NKAIN3: variants seen among roughly 807,000 people sequenced by gnomAD.
The protein encoded by NKAIN3 is sodium/potassium transporting ATPase interacting 3.
Under a neutral mutation model 30.2 loss-of-function variants are expected in NKAIN3, and 25 were observed. The ratio of observed to expected loss-of-function variants is 0.83; its 90% CI spans 0.60 to 1.16. The LOEUF is 1.16. NKAIN3 is among the 50% of genes most tolerant of loss of function. The pLI is 0.00. For synonymous variants in NKAIN3, 91 were observed against 89.6 expected (o/e 1.02, Z -0.09); for missense variants, 225 against 254.1 (o/e 0.89, Z 0.78).
intron 1 of NKAIN3, among the ~76,000 whole-genome samples, chr8:62,261,313 G>C (rs1054230532): frequency 1.3e-5 from 2 of 151,260 alleles, no homozygotes; most frequent in African/African-American, 4.8e-5. Context: ...AATAGCTTTT[G>C]GATCTCCCTA....
chr8:62,514,581 A>C (rs1314662208), intron 1 of NKAIN3, among the ~76,000 whole-genome samples: 1 of 152,184 alleles, frequency 6.6e-6, no homozygotes, highest in Non-Finnish European at 1.5e-5. Flanking sequence ...ACAGTTACAC[A>C]CTTAAATGTA....
At chr8:62,302,850 A>G (rs1487681925) in intron 1 of NKAIN3, among the ~76,000 whole-genome samples, 2 of 142,130 alleles carry the variant, frequency 1.4e-5, no homozygotes, top group African/African-American at 6.2e-5. Flanking sequence ...AAAGATTCAC[A>G]GTTTGTTTTC....
chr8:62,804,227 A>C (rs931187621), intron 4 of NKAIN3, among the ~76,000 whole-genome samples: 1 of 152,224 alleles, frequency 6.6e-6, no homozygotes, highest in African/African-American at 2.4e-5. Context: ...TATTCCAATC[A>C]ATAGGAAAAG....
At chr8:62,911,577 T>A (rs1386380459) in intron 4 of NKAIN3, among the ~76,000 whole-genome samples, 1 of 152,052 alleles carries the variant, frequency 6.6e-6, no homozygotes. Flanking sequence ...AAATCCAGAG[T>A]GTCAGTCATT....
intron 1 of NKAIN3, among the ~76,000 whole-genome samples, chr8:62,528,305 TTA>T (rs55728279): frequency 3.5e-4 from 42 of 121,214 alleles, no homozygotes; most frequent in Admixed American, 7.3e-4. Context: ...ATATATTATA[TTA>T]TATATATATA....
chr8:62,336,440 A>G (rs1258170713), intron 1 of NKAIN3, among the ~76,000 whole-genome samples: 3 of 152,014 alleles, frequency 2.0e-5, no homozygotes, highest in African/African-American at 7.2e-5. Flanking sequence ...CTCCAGTAAC[A>G]TATTTTCATT....
At chr8:62,591,417 C>T (rs1810647866) in intron 3 of NKAIN3, among the ~76,000 whole-genome samples, 1 of 151,872 alleles carries the variant, frequency 6.6e-6, no homozygotes, top group South Asian at 2.1e-4. Context: ...GTTTATTATA[C>T]ACATGATATG....
intron 1 of NKAIN3, among the ~76,000 whole-genome samples, chr8:62,526,714 G>A (rs1474410567): frequency 1.3e-5 from 2 of 152,126 alleles, no homozygotes; most frequent in African/African-American, 2.4e-5. Context: ...CATTGCAGAA[G>A]TGACAGATAA....
chr8:62,372,963 C>G (rs1263616863), intron 1 of NKAIN3, among the ~76,000 whole-genome samples: 1 of 152,102 alleles, frequency 6.6e-6, no homozygotes, highest in Non-Finnish European at 1.5e-5. Context: ...GCAGGACAAG[C>G]AAATTCTGCA....
At chr8:62,533,805 G>A (rs540483018) in intron 1 of NKAIN3, among the ~76,000 whole-genome samples, 22 of 152,230 alleles carry the variant, frequency 1.4e-4, no homozygotes, top group African/African-American at 5.1e-4. Context: ...TTCAGACCCT[G>A]AGTAAATATT....
intron 3 of NKAIN3, among the ~76,000 whole-genome samples, chr8:62,677,794 T>C (rs1014048920): frequency 1.3e-5 from 2 of 152,194 alleles, no homozygotes; most frequent in Admixed American, 1.3e-4. Context: ...GACCCACCTG[T>C]GCATCTCTGA....
At chr8:62,837,612 T>G (rs1283809873) in intron 4 of NKAIN3, among the ~76,000 whole-genome samples, 1 of 152,170 alleles carries the variant, frequency 6.6e-6, no homozygotes, top group Non-Finnish European at 1.5e-5. Flanking sequence ...GCTGAATATT[T>G]CCCATTTCCC....
At chr8:62,827,872 GC>G (rs1474028005) in intron 4 of NKAIN3, among the ~76,000 whole-genome samples, 11 of 152,058 alleles carry the variant, frequency 7.2e-5, no homozygotes, top group African/African-American at 2.7e-4. Context: ...ACATTTATGA[GC>G]TACACCAAGG....
rs1241747415 is a variant in NKAIN3 at position 62,965,630 on chromosome 8, A to AG, written c.*223_*224insG. ...AACACTTGTAAGTTGTAAAAAAAAA[A>AG]AAAAAAGAAAAAACAGAATTTGGTT... On this transcript the variant is annotated 3_prime_UTR_variant, in exon 7 of 7. Transcript: ENST00000623646. 15 of 977,514 alleles carry AG rather than the reference A, an allele frequency of 1.5e-5. No homozygotes were observed. The highest frequency in any genetic ancestry group is 1.1e-4 in the East Asian group (1 of 8,794). 60.6% of individuals were successfully genotyped at this position (977,514 alleles called of 1,614,324 possible).
chr8:62,863,878 G>A (rs977147920), intron 4 of NKAIN3: 39 of 1,476,362 alleles, frequency 2.6e-5, no homozygotes, highest in Non-Finnish European at 3.1e-5. Flanking sequence ...AGTCCGCAGG[G>A]TCCTCTTGCT....
intron 3 of NKAIN3, among the ~76,000 whole-genome samples, chr8:62,687,541 C>G (rs1239049087): frequency 6.6e-6 from 1 of 152,174 alleles, no homozygotes; most frequent in Non-Finnish European, 1.5e-5. Context: ...CAGGATTTTA[C>G]CTGAAAACAG....
chr8:62,729,079 A>AAGAGAAT (rs1491184815), intron 3 of NKAIN3, among the ~76,000 whole-genome samples: 2 of 149,456 alleles, frequency 1.3e-5, no homozygotes, highest in East Asian at 1.9e-4. Flanking sequence ...AGACATTGGC[A>AAGAGAAT]AGAGAATAAG....
chr8:62,444,665 A>G (rs1585815127), intron 1 of NKAIN3, among the ~76,000 whole-genome samples: 1 of 152,328 alleles, frequency 6.6e-6, no homozygotes, highest in Non-Finnish European at 1.5e-5. Flanking sequence ...AATAGTGCCA[A>G]TCATGGGAGT....
rs566106730 is a variant in NKAIN3 at position 62,772,830 on chromosome 8, T to G, written c.471+25701T>G. Among the ~76,000 whole-genome samples the G allele has an allele frequency of 1.5e-4, 23 of 152,108 alleles. No individual in the cohort carries two copies. In the South Asian group the frequency reaches 4.8e-3, roughly 32 times the overall value. ...CGCACGCTGCCACGTCCAACTAATT[T>G]TTGTATTTTTAGTAGAGACAGGGTC... is the stretch of plus-strand genomic sequence containing the variant. On this transcript the variant is annotated intron_variant, in intron 4 of 6. Transcript: ENST00000623646.
Sources: gnomAD v4.1 joint callset for allele counts (sites outside exome capture counted in the v4.1 genomes callset) on GRCh38, gnomAD v4.1.1 for gene constraint, MANE v1.5 for transcripts, NCBI Gene and HGNC (gene_info 2026-07-23, HGNC 2026-07-21) for gene names.